Variants in GPX3 observed in about 807,000 individuals in gnomAD.
The protein encoded by GPX3 is glutathione peroxidase 3.
A neutral mutation model predicts 25.1 loss-of-function variants in GPX3; 22 were observed. The observed-to-expected ratio is 0.88, with a 90% CI of 0.63 to 1.25. The LOEUF (loss-of-function observed/expected upper bound fraction) is 1.25, where lower values mean the gene tolerates loss of function less well. Among genes scored for constraint, GPX3 ranks in the 50% most tolerant of loss-of-function variants. The pLI, the probability that GPX3 is intolerant of heterozygous loss-of-function variation, is 0.00. For missense variants in GPX3, 278 were observed against 286.6 expected, an observed-to-expected ratio of 0.97 and a Z score of 0.22; for synonymous variants, 110 against 114.5, an observed-to-expected ratio of 0.96 and a Z score of 0.25.
At chr5:151,020,876 C>A (rs759579376) in intron 1 of GPX3, 135 bp downstream of exon 1, 66 of 833,740 alleles carry the variant, frequency 7.9e-5, no homozygotes, top group Non-Finnish European at 1.2e-4. Flanking sequence ...CTCCTGAACC[C>A]CTTTTGCCGC....
intron 1 of GPX3, chr5:151,021,099 T>G: frequency 3.6e-6 from 1 of 281,042 alleles, no homozygotes; most frequent in South Asian, 3.3e-5. Context: ...CAGTAGGGCC[T>G]AAGAGGGAGG....
chr5:151,025,243 A>G (rs1756529897), intron 1 of GPX3, 97 bp from the exon 2 acceptor site: 2 of 987,660 alleles, frequency 2.0e-6, no homozygotes, highest in Admixed American at 2.9e-5. Context: ...ACTTTGAGAA[A>G]GTCACTCTCT....
Position 151,028,207 on chromosome 5 carries a change from A to G in GPX3, c.*77A>G. 1.6e-6 allele frequency: 2 copies of G among 1,282,868 alleles called. No homozygotes were observed. The highest frequency in any genetic ancestry group is 2.2e-6 in the Non-Finnish European group (2 of 904,810). 79.5% of individuals were successfully genotyped at this position (1,282,868 alleles called of 1,614,324 possible). On this transcript the variant is annotated 3_prime_UTR_variant, in exon 5 of 5. Transcript: ENST00000388825. ...GGAAGAAATCCGTGTCTCCAACCAC[A>G]CTATCTACCCATCACAGACCCCTTT...
chr5:151,022,863 G>A (rs182646738), intron 1 of GPX3, among the ~76,000 whole-genome samples: 2 of 152,260 alleles, frequency 1.3e-5, no homozygotes, highest in Non-Finnish European at 2.9e-5. Flanking sequence ...GGGCCCTTAA[G>A]ACAGCCCTGA....
At chr5:151,024,488 G>A (rs760007600) in intron 1 of GPX3, among the ~76,000 whole-genome samples, 31 of 152,114 alleles carry the variant, frequency 2.0e-4, no homozygotes, top group Non-Finnish European at 2.9e-4. Context: ...ACTCAGGTCC[G>A]AAGAAAAGAA....
rs200470998 is a variant in GPX3, at chr5:151,027,915, T to C, written c.466T>C (p.Cys156Arg). The change falls in exon 5 of 5, where the codon TGT becomes CGT. Residue 156 changes from cysteine to arginine, a missense_variant. By Grantham distance (180) the Cys-to-Arg change is radical. Coordinates refer to ENST00000388825, the MANE Select transcript of GPX3 (RefSeq NM_002084.5). ...CCTCTTATCCCTGCTCTAGAACTCCTGTCCTCCCACCTCGGAGCTCCTGGG... is the reference window on the plus strand; with the variant it reads ...CCTCTTATCCCTGCTCTAGAACTCCCGTCCTCCCACCTCGGAGCTCCTGGG... ...QKFYTFLKNS[C>R]PPTSELLGTS... is the part of the protein sequence containing the mutation. 6 of 1,614,046 alleles carry C rather than the reference T, an allele frequency of 3.7e-6. No individual in the cohort carries two copies. Among genetic ancestry groups the C allele is most frequent in the Non-Finnish European group, 8.5e-7 (1 of 1,179,902 alleles).
intron 1 of GPX3, among the ~76,000 whole-genome samples, chr5:151,024,882 C>G (rs979291621): frequency 6.6e-6 from 1 of 152,112 alleles, no homozygotes; most frequent in African/African-American, 2.4e-5. Context: ...GGTTCTCATC[C>G]TCAATTGCCT....
At chr5:151,023,146 T>C (rs1756500816) in intron 1 of GPX3, among the ~76,000 whole-genome samples, 1 of 152,134 alleles carries the variant, frequency 6.6e-6, no homozygotes, top group Non-Finnish European at 1.5e-5. Context: ...GGCACCCTCA[T>C]GGCCTCTCCC....
intron 2 of GPX3, 43 bp downstream of exon 2, chr5:151,025,536 G>A: frequency 6.6e-7 from 1 of 1,513,428 alleles, no homozygotes; most frequent in South Asian, 1.3e-5. Flanking sequence ...GGGGCTGTAT[G>A]GCATATTTCA....
At position 151,022,338 on chromosome 5, in the gene GPX3, G is replaced by A. The variant is rs78571233; in HGVS notation, c.87+1597G>A. Among the ~76,000 whole-genome samples, 735 of 152,314 alleles carry A rather than the reference G, an allele frequency of 4.8e-3. 5 individuals carry two copies. Among genetic ancestry groups the A allele is most frequent in the African/African-American group, 0.017 (700 of 41,568 alleles). ...AGCTGTGTCTTCTCTGCAGCACTCT[G>A]GGGAAGGATAAATGGACTCAGAGAG... On this transcript the variant is annotated intron_variant, in intron 1 of 4. Transcript: ENST00000388825.
At chr5:151,026,801 T>C in intron 2 of GPX3, 99 bp from the exon 3 acceptor site, 1 of 821,050 alleles carries the variant, frequency 1.2e-6, no homozygotes, top group African/African-American at 1.7e-5. Flanking sequence ...CGGGCCTCAG[T>C]AGTTCCAGCG....
chr5:151,028,374 G>GC lies in GPX3; in HGVS notation c.*246dup. 1 of 533,242 alleles carries GC rather than the reference G, an allele frequency of 1.9e-6. No individual in the cohort carries two copies. 33.0% of individuals were successfully genotyped at this position (533,242 alleles called of 1,614,324 possible). A position where few individuals can be genotyped will look rare whatever the true frequency, so the allele number is the denominator to read the frequency against. On this transcript the variant is annotated 3_prime_UTR_variant, in exon 5 of 5. Coordinates refer to ENST00000388825, the MANE Select transcript of GPX3 (RefSeq NM_002084.5). ...TTGTGTGTGTGTGCATGGGTGTACAGCCACGTGTCTACCTATGTGTCTTTC... is the reference window on the plus strand; with the variant it reads ...TTGTGTGTGTGTGCATGGGTGTACAGCCCACGTGTCTACCTATGTGTCTTTC...
chr5:151,022,417 A>T (rs1402547435), intron 1 of GPX3, among the ~76,000 whole-genome samples: 1 of 152,210 alleles, frequency 6.6e-6, no homozygotes, highest in Non-Finnish European at 1.5e-5. Flanking sequence ...ATCATATCAC[A>T]TACAACCAGT....
At chr5:151,026,854 C>A (rs1207449344) in intron 2 of GPX3, 46 bp from the exon 3 acceptor site, 3 of 1,398,454 alleles carry the variant, frequency 2.1e-6, no homozygotes, top group Non-Finnish European at 1.0e-6. Context: ...TGAGACAGGG[C>A]TCCTCGCCAG....
chr5:151,020,817 C>T (rs1294892100), intron 1 of GPX3, 76 bp downstream of exon 1: 1 of 1,336,976 alleles, frequency 7.5e-7, no homozygotes, highest in Admixed American at 1.9e-5. Flanking sequence ...GCAATGCACC[C>T]CTTTTCCCAG....
chr5:151,026,929 C>G lies in GPX3; in HGVS notation c.271C>G (p.Pro91Ala). The change falls in exon 3 of 5, where the codon CCA becomes GCA. Residue 91 changes from proline (P) to alanine (A), a missense_variant. Pro to Ala is a conservative substitution (Grantham distance 27). Transcript: ENST00000388825. ...ELNALQEELA[P>A]FGLVILGFPC... ...GAATGCACTACAGGAAGAGCTTGCA[C>G]CATTCGGTCTGGTCATTCTGGGCTT... The G allele has an allele frequency of 6.2e-7, 1 of 1,614,076 alleles. No individual in the cohort carries two copies. Among genetic ancestry groups the G allele is most frequent in the African/African-American group, 1.3e-5 (1 of 75,036 alleles).
chr5:151,028,306 G>GGTGCATGTGGGTGTTT lies in GPX3; in HGVS notation c.*177_*192dup. Reference sequence around the variant, plus strand: ...GTGTACTGCCAGGCATGTGGGTGTGGGTGCATGTGGGTGTTTACACACATG... The same window carrying GGTGCATGTGGGTGTTT: ...GTGTACTGCCAGGCATGTGGGTGTGGGTGCATGTGGGTGTTTGTGCATGTGGGTGTTTACACACATG... On this transcript the variant is annotated 3_prime_UTR_variant, in exon 5 of 5. Coordinates refer to ENST00000388825, the MANE Select transcript of GPX3 (RefSeq NM_002084.5). 1.6e-6 allele frequency: 1 copy of GGTGCATGTGGGTGTTT among 620,362 alleles called. No individual in the cohort carries two copies. The highest frequency in any genetic ancestry group is 2.9e-6 in the Non-Finnish European group (1 of 348,470). The allele number at this position is 620,362 out of a possible 1,614,324, so 38.4% of individuals were successfully genotyped here.
chr5:151,028,299 G>T lies in GPX3; in HGVS notation c.*169G>T. The T allele has an allele frequency of 1.6e-6, 1 of 639,508 alleles. No individual in the cohort carries two copies. Among genetic ancestry groups the T allele is most frequent in the Non-Finnish European group, 2.8e-6 (1 of 362,320 alleles). The allele number at this position is 639,508 out of a possible 1,614,324, so 39.6% of individuals were successfully genotyped here. On this transcript the variant is annotated 3_prime_UTR_variant, in exon 5 of 5. Coordinates refer to ENST00000388825, the MANE Select transcript of GPX3 (RefSeq NM_002084.5). ...CAGTTCTGTGTACTGCCAGGCATGT[G>T]GGTGTGGGTGCATGTGGGTGTTTAC... is the stretch of plus-strand genomic sequence containing the variant.
intron 3 of GPX3, 24 bp downstream of exon 3, chr5:151,027,041 A>G: frequency 6.7e-7 from 1 of 1,487,206 alleles, no homozygotes; most frequent in East Asian, 2.3e-5. Flanking sequence ...CAGCATCCTG[A>G]GAAAGCTCCT....
Sources: gnomAD v4.1 joint callset for allele counts (sites outside exome capture counted in the v4.1 genomes callset) on GRCh38, gnomAD v4.1.1 for gene constraint, MANE v1.5 for transcripts, NCBI Gene and HGNC (gene_info 2026-07-23, HGNC 2026-07-21) for gene names.